ATP1A2: variants seen among roughly 807,000 people sequenced by gnomAD.
ATP1A2 encodes sodium/potassium-transporting ATPase subunit alpha-2.
A neutral mutation model predicts 113.1 loss-of-function variants in ATP1A2; 56 were observed. The observed-to-expected ratio is 0.49, with a 90% CI of 0.40 to 0.62. ATP1A2 has a LOEUF of 0.62. Ranked by LOEUF, ATP1A2 falls within the 20% of genes least tolerant of loss-of-function variation. The pLI, the probability that ATP1A2 is intolerant of heterozygous loss-of-function variation, is 0.00. For synonymous variants in ATP1A2, 490 were observed against 526.8 expected (o/e 0.93, Z 0.96); for missense variants, 712 against 1,357.8 (o/e 0.52, Z 7.47).
chr1:160,138,331 T>C (rs956809300), intron 20 of ATP1A2, among the ~76,000 whole-genome samples: 40 of 152,230 alleles, frequency 2.6e-4, no homozygotes, highest in Non-Finnish European at 2.9e-5. Context: ...TATCATGACG[T>C]GGTGATCGGA....
In ATP1A2 at chr1:160,141,504, C is replaced by A; in HGVS notation, c.*182C>A. 1 of 724,996 alleles carries A rather than the reference C, an allele frequency of 1.4e-6. No individual in the cohort carries two copies. Among genetic ancestry groups the A allele is most frequent in the Non-Finnish European group, 2.4e-6 (1 of 409,936 alleles). The allele number at this position is 724,996 out of a possible 1,614,324, so 44.9% of individuals were successfully genotyped here. ...AAATTGGGGTGATGACCCCATAGAC[C>A]TAACTGTGAACAATCAGATTAGACA... is the stretch of plus-strand genomic sequence containing the variant. On this transcript the variant is annotated 3_prime_UTR_variant, in exon 23 of 23. Coordinates refer to ENST00000361216, the MANE Select transcript of ATP1A2 (RefSeq NM_000702.4).
chr1:160,123,483 T>TG, intron 4 of ATP1A2, 67 bp downstream of exon 4: 1 of 1,599,756 alleles, frequency 6.3e-7, no homozygotes, highest in Admixed American at 1.7e-5. Context: ...CCCAACACAG[T>TG]GGGGGGTGGG....
intron 1 of ATP1A2, among the ~76,000 whole-genome samples, chr1:160,119,144 A>G (rs1651287150): frequency 1.3e-5 from 2 of 150,878 alleles, no homozygotes; most frequent in Non-Finnish European, 3.0e-5. Context: ...GGCAGGAGAT[A>G]TATGAGAACT....
At chr1:160,125,288 C>A in intron 7 of ATP1A2, 35 bp downstream of exon 7, 1 of 1,545,908 alleles carries the variant, frequency 6.5e-7, no homozygotes, top group Non-Finnish European at 8.9e-7. Flanking sequence ...AGGAAAGAGT[C>A]TGAATCCTGA....
chr1:160,134,991 G>C (rs1279781022), intron 14 of ATP1A2, among the ~76,000 whole-genome samples, 154 bp from the exon 15 acceptor site: 1 of 152,194 alleles, frequency 6.6e-6, no homozygotes, highest in African/African-American at 2.4e-5. Flanking sequence ...AGAGAAATGG[G>C]GGAAGTGAGT....
chr1:160,122,488 A>G (rs951372843), intron 3 of ATP1A2, among the ~76,000 whole-genome samples: 5 of 152,122 alleles, frequency 3.3e-5, no homozygotes, highest in Admixed American at 2.6e-4. Context: ...AAAAAATGCA[A>G]TCCTAGGATT....
At position 160,121,265 on chromosome 1, in the gene ATP1A2, C is replaced by T. The variant is rs759232224; in HGVS notation, c.177+14C>T. 1.9e-6 allele frequency: 3 copies of T among 1,614,100 alleles called. No individual in the cohort carries two copies. The highest frequency in any genetic ancestry group is 3.3e-5 in the Admixed American group (2 of 60,030). ...GACCTGTCCAAGGTGAGTGGAGGGGCTTCTAGGGAAGGAACAAAAGAGGCA... is the reference window on the plus strand; with the variant it reads ...GACCTGTCCAAGGTGAGTGGAGGGGTTTCTAGGGAAGGAACAAAAGAGGCA... On this transcript the variant is annotated intron_variant, in intron 3 of 22. Coordinates refer to ENST00000361216, the MANE Select transcript of ATP1A2 (RefSeq NM_000702.4).
At chr1:160,132,105 C>G (rs1651793565) in intron 13 of ATP1A2, among the ~76,000 whole-genome samples, 2 of 152,176 alleles carry the variant, frequency 1.3e-5, no homozygotes, top group South Asian at 4.1e-4. Flanking sequence ...GATATTTGAG[C>G]TGGGCTTTGG....
chr1:160,131,367 T>G (rs1651765415), intron 13 of ATP1A2, among the ~76,000 whole-genome samples: 1 of 152,206 alleles, frequency 6.6e-6, no homozygotes, highest in Non-Finnish European at 1.5e-5. Context: ...CAAAGTAACA[T>G]GCCAAGGCCA....
Position 160,124,316 on chromosome 1 carries a change from G to C in ATP1A2, c.516G>C (p.Glu172Asp). Residue 172 changes from glutamate (E) to aspartate (D), a missense_variant, in exon 6 of 23, where the codon GAG becomes GAC. By Grantham distance (45) the Glu-to-Asp change is conservative. Around this residue, in one of 6 missense-constraint regions of ATP1A2, gnomAD observed 99 missense variants for 180.4 expected, o/e 0.55. Transcript: ENST00000361216. Reference protein sequence around the residue: ...MVPQQALVIREGEKMQINAEE... With the variant: ...MVPQQALVIRDGEKMQINAEE... ...CACAGCAAGCCCTTGTGATCCGGGA[G>C]GGAGAGAAGATGCAGATCAACGCAG... 1 of 1,608,484 alleles carries C rather than the reference G, an allele frequency of 6.2e-7. No homozygotes were observed. The highest frequency in any genetic ancestry group is 2.2e-5 in the East Asian group (1 of 44,686).
At chr1:160,137,555 G>T (rs1433479865) in intron 20 of ATP1A2, among the ~76,000 whole-genome samples, 1 of 152,172 alleles carries the variant, frequency 6.6e-6, no homozygotes, top group Non-Finnish European at 1.5e-5. Flanking sequence ...TCATGGATAA[G>T]AGGCCCCAAA....
Position 160,121,092 on chromosome 1 carries a change from C to G in ATP1A2, c.117+82C>G. The stretch of plus-strand genomic sequence containing the variant: ...CAGCCCATTGCACTCAGAGAAACTC[C>G]GTGTCCCCCATGCTGCTCAACTCAC... On this transcript the variant is annotated intron_variant, in intron 2 of 22. Coordinates refer to ENST00000361216, the MANE Select transcript of ATP1A2 (RefSeq NM_000702.4). 1.9e-6 allele frequency: 3 copies of G among 1,601,836 alleles called. 1 individual carries two copies. Among genetic ancestry groups the G allele is most frequent in the East Asian group, 2.2e-5 (1 of 44,826 alleles).
Position 160,130,137 on chromosome 1 carries a change from C to T in ATP1A2, c.1497C>T (p.Ser499=). The change falls in exon 12 of 23, where the codon AGC becomes AGT. Residue 499 remains serine (S), a synonymous_variant. Transcript: ENST00000361216. The stretch of plus-strand genomic sequence containing the variant: ...ACGAGCGAGAAGACAGCCCCCAGAG[C>T]CACGTGCTGGTGATGAAGGGGGCCC... The part of the protein sequence containing the change: ...SIHEREDSPQ[S]HVLVMKGAPE... 20 of 1,614,220 alleles carry T rather than the reference C, an allele frequency of 1.2e-5. No individual in the cohort carries two copies. The highest frequency in any genetic ancestry group is 1.7e-5 in the Non-Finnish European group (20 of 1,180,044).
intron 13 of ATP1A2, among the ~76,000 whole-genome samples, chr1:160,132,703 A>G (rs780235179): frequency 6.6e-6 from 1 of 152,202 alleles, no homozygotes; most frequent in African/African-American, 2.4e-5. Flanking sequence ...TAAAGAGTCT[A>G]TAAGATACCC....
intron 2 of ATP1A2, 33 bp downstream of exon 2, chr1:160,121,043 C>A: frequency 6.2e-7 from 1 of 1,613,456 alleles, no homozygotes; most frequent in South Asian, 1.1e-5. Flanking sequence ...GAGGAGGGGC[C>A]CCATGCTGGG....
intron 22 of ATP1A2, among the ~76,000 whole-genome samples, chr1:160,140,932 G>A (rs906674449): frequency 3.4e-4 from 47 of 137,404 alleles, no homozygotes; most frequent in African/African-American, 1.2e-3. Flanking sequence ...GCACGATCTC[G>A]GCTCACTGCA....
chr1:160,115,963 C>G (rs374133858), intron 1 of ATP1A2, 90 bp downstream of exon 1: 44 of 1,538,422 alleles, frequency 2.9e-5, no homozygotes, highest in Non-Finnish European at 6.2e-6. Flanking sequence ...GTGGAAGGAG[C>G]GGGAGAGAGG....
In ATP1A2 at chr1:160,135,103, G is replaced by A. The variant is rs750360117; in HGVS notation, c.1965-42G>A. 1 of 1,613,112 alleles carries A rather than the reference G, an allele frequency of 6.2e-7. No homozygotes were observed. The highest frequency in any genetic ancestry group is 8.5e-7 in the Non-Finnish European group (1 of 1,179,696). On this transcript the variant is annotated intron_variant, in intron 14 of 22. Coordinates refer to ENST00000361216, the MANE Select transcript of ATP1A2 (RefSeq NM_000702.4). This position sits in a 1 kb window ranked among gnomAD's most constrained non-coding sequence, Gnocchi z 6.3. ...GCAGGGGGCAGGAGGGGCTGGTACAGGTGCCAGGGGTCAGCTGTCTCTGTC... is the reference window on the plus strand; with the variant it reads ...GCAGGGGGCAGGAGGGGCTGGTACAAGTGCCAGGGGTCAGCTGTCTCTGTC...
rs1553245863 is a variant in ATP1A2, at chr1:160,136,387, G to A, written c.2563+17G>A. On this transcript the variant is annotated intron_variant, in intron 18 of 22. Coordinates refer to ENST00000361216, the MANE Select transcript of ATP1A2 (RefSeq NM_000702.4). ...GACAGATCGGTGCGCCAAGCCCCGG[G>A]CCTCGGGAGGGAACCCCAACAGGGT... 2.5e-6 allele frequency: 4 copies of A among 1,613,782 alleles called. No homozygotes were observed. The highest frequency in any genetic ancestry group is 3.4e-6 in the Non-Finnish European group (4 of 1,180,032).
Sources: gnomAD v4.1 joint callset for allele counts (sites outside exome capture counted in the v4.1 genomes callset) on GRCh38, gnomAD v4.1.1 for gene constraint, gnomAD v4.1.1 regional missense constraint, Gnocchi (gnomAD v3.1) non-coding constraint, MANE v1.5 for transcripts, NCBI Gene and HGNC (gene_info 2026-07-23, HGNC 2026-07-21) for gene names.